HECTD2: variants seen among roughly 807,000 people sequenced by gnomAD.
The protein encoded by HECTD2 is probable E3 ubiquitin-protein ligase HECTD2.
Under a neutral mutation model 103.2 loss-of-function variants are expected in HECTD2, and 35 were observed. That is an observed-to-expected ratio of 0.34 (90% CI 0.26 to 0.45). HECTD2 has a LOEUF of 0.45. HECTD2 is among the 20% of genes least tolerant of loss of function. The pLI, the probability that HECTD2 is intolerant of heterozygous loss-of-function variation, is 1.00. For missense variants in HECTD2, 596 were observed against 937.4 expected (o/e 0.64, Z 4.76); for synonymous variants, 281 against 329.9 (o/e 0.85, Z 1.61).
At chr10:91,498,779 G>A in intron 16 of HECTD2, 93 bp from the exon 17 acceptor site, 2 of 706,954 alleles carry the variant, frequency 2.8e-6, no homozygotes, top group Non-Finnish European at 4.8e-6. Context: ...AAGGAAGGGG[G>A]AAAAAAACTG....
At chr10:91,498,039 A>G in intron 15 of HECTD2, 69 bp from the exon 16 acceptor site, 1 of 1,039,926 alleles carries the variant, frequency 9.6e-7, no homozygotes, top group South Asian at 1.3e-5. Flanking sequence ...TGAGCTATAG[A>G]AAAGCCACTT....
At chr10:91,431,866 T>G (rs1291516421) in intron 2 of HECTD2, among the ~76,000 whole-genome samples, 1 of 152,104 alleles carries the variant, frequency 6.6e-6, no homozygotes, top group Non-Finnish European at 1.5e-5. Context: ...GTCTGAAGCC[T>G]TCTTCTCTCA....
At chr10:91,443,641 T>C (rs1844461760) in intron 2 of HECTD2, among the ~76,000 whole-genome samples, 1 of 152,030 alleles carries the variant, frequency 6.6e-6, no homozygotes, top group Admixed American at 6.6e-5. Context: ...TCTTCACAGC[T>C]GGCAGGCAGG....
chr10:91,456,001 T>G (rs1399148789), intron 2 of HECTD2, among the ~76,000 whole-genome samples: 1 of 152,130 alleles, frequency 6.6e-6, no homozygotes, highest in Non-Finnish European at 1.5e-5. Context: ...TGAAGTCAGG[T>G]AGCGTGATGC....
intron 2 of HECTD2, among the ~76,000 whole-genome samples, chr10:91,449,158 G>A (rs199795333): frequency 6.0e-4 from 91 of 150,838 alleles, no homozygotes; most frequent in East Asian, 3.4e-3. Context: ...ATGTAGCAGC[G>A]CATCAAAAAG....
intron 10 of HECTD2, chr10:91,486,269 T>G (rs1203113782): frequency 6.6e-6 from 1 of 152,146 alleles, no homozygotes. Context: ...AGAATAAGAA[T>G]TTAAGTTCTG....
At chr10:91,491,665 C>T (rs1846484093) in intron 12 of HECTD2, among the ~76,000 whole-genome samples, 1 of 152,128 alleles carries the variant, frequency 6.6e-6, no homozygotes. Context: ...TTTAACTTCT[C>T]CAGGTCTCAG....
intron 19 of HECTD2, 121 bp from the exon 20 acceptor site, chr10:91,501,070 C>A: frequency 1.3e-6 from 1 of 744,708 alleles, no homozygotes; most frequent in Non-Finnish European, 2.2e-6. Context: ...CTTAATTTTA[C>A]AGAAATTCAG....
intron 20 of HECTD2, among the ~76,000 whole-genome samples, chr10:91,510,022 T>C (rs1273221402): frequency 3.3e-5 from 5 of 152,064 alleles, no homozygotes; most frequent in African/African-American, 4.8e-5. Context: ...AGATAGTGAA[T>C]AGTATCAGTG....
In HECTD2 at chr10:91,461,556, T is replaced by C. The variant is rs1372303817; in HGVS notation, c.510+200T>C. Among the ~76,000 whole-genome samples the C allele has an allele frequency of 2.0e-5, 3 of 152,088 alleles. No homozygotes were observed. In the East Asian group the frequency reaches 5.8e-4, roughly 29 times the overall value. On this transcript the variant is annotated intron_variant, in intron 4 of 20. Coordinates refer to ENST00000298068, the MANE Select transcript of HECTD2 (RefSeq NM_182765.6). ...TATGGGTTTTTTGAGGGGGTTGTTT[T>C]GTTTTGTTTTGAGATGGAGTCTCAC...
At chr10:91,427,527 T>C (rs1404854911) in intron 2 of HECTD2, among the ~76,000 whole-genome samples, 2 of 152,218 alleles carry the variant, frequency 1.3e-5, no homozygotes, top group Non-Finnish European at 2.9e-5. Flanking sequence ...TTCCTGACTT[T>C]TTAATGATTG....
intron 2 of HECTD2, among the ~76,000 whole-genome samples, chr10:91,429,090 G>T (rs1048233209): frequency 5.3e-5 from 8 of 151,850 alleles, no homozygotes; most frequent in Admixed American, 1.3e-4. Flanking sequence ...AGCATGAAGG[G>T]TTGTTGAATT....
chr10:91,502,790 A>G (rs1046889755), intron 20 of HECTD2, among the ~76,000 whole-genome samples: 1 of 152,174 alleles, frequency 6.6e-6, no homozygotes, highest in African/African-American at 2.4e-5. Flanking sequence ...CTGTTTTAAT[A>G]CAAAGGTGAC....
intron 1 of HECTD2, among the ~76,000 whole-genome samples, chr10:91,412,471 T>G (rs901408831): frequency 6.6e-6 from 1 of 151,896 alleles, no homozygotes; most frequent in African/African-American, 2.4e-5. Context: ...TTTTTTTCTT[T>G]TTGAGACGGA....
chr10:91,484,390 G>T (rs1171926165), intron 8 of HECTD2, 117 bp from the exon 9 acceptor site: 2 of 1,430,640 alleles, frequency 1.4e-6, no homozygotes, highest in South Asian at 1.3e-5. Flanking sequence ...TTAAGAAATA[G>T]AATTTGGGGG....
chr10:91,445,498 T>C (rs1239377892), intron 2 of HECTD2, among the ~76,000 whole-genome samples: 1 of 152,192 alleles, frequency 6.6e-6, no homozygotes. Context: ...GTCATATTGC[T>C]GGCTGGGTTG....
intron 2 of HECTD2, among the ~76,000 whole-genome samples, chr10:91,439,148 G>A (rs1229290701): frequency 6.6e-6 from 1 of 152,148 alleles, no homozygotes; most frequent in East Asian, 1.9e-4. Flanking sequence ...TCAAGTCTGT[G>A]CCCACGCCTA....
chr10:91,503,742 C>T (rs1230211412), intron 20 of HECTD2, among the ~76,000 whole-genome samples: 1 of 152,226 alleles, frequency 6.6e-6, no homozygotes, highest in African/African-American at 2.4e-5. Flanking sequence ...GTAAACGAAG[C>T]AGCCAGGAAG....
intron 1 of HECTD2, among the ~76,000 whole-genome samples, chr10:91,423,792 A>G (rs1241386729): frequency 6.6e-6 from 1 of 152,170 alleles, no homozygotes; most frequent in Non-Finnish European, 1.5e-5. Context: ...TGTAGCACCT[A>G]TGCACAAGAT....
Sources: gnomAD v4.1 joint callset for allele counts (sites outside exome capture counted in the v4.1 genomes callset) on GRCh38, gnomAD v4.1.1 for gene constraint, MANE v1.5 for transcripts, NCBI Gene and HGNC (gene_info 2026-07-23, HGNC 2026-07-21) for gene names.